Variants in SORCS1 observed in about 807,000 individuals in gnomAD.
SORCS1 encodes the protein sortilin related VPS10 domain containing receptor 1.
SORCS1 carries 60 observed loss-of-function variants against 146.1 expected under a neutral mutation model. That is an observed-to-expected ratio of 0.41 (90% CI 0.33 to 0.51). SORCS1 has a LOEUF of 0.51. Ranked by LOEUF, SORCS1 falls within the 20% of genes least tolerant of loss-of-function variation. SORCS1 has a pLI of 0.21. For synonymous variants in SORCS1, 637 were observed against 584.0 expected (o/e 1.09, Z -1.31); for missense variants, 1,352 against 1,487.6 (o/e 0.91, Z 1.50).
chr10:107,057,478 A>G (rs755853921), intron 1 of SORCS1, among the ~76,000 whole-genome samples: 1 of 152,108 alleles, frequency 6.6e-6, no homozygotes, highest in South Asian at 2.1e-4. Flanking sequence ...CCCAATTTCT[A>G]CCTCTGCAAA....
At chr10:106,697,568 G>A (rs1379183783) in intron 9 of SORCS1, among the ~76,000 whole-genome samples, 1 of 151,874 alleles carries the variant, frequency 6.6e-6, no homozygotes, top group South Asian at 2.1e-4. Flanking sequence ...TAAATGTTTT[G>A]GGCATTTACA....
At chr10:106,675,297 AG>A in intron 13 of SORCS1, 141 bp from the exon 14 acceptor site, 2 of 612,532 alleles carry the variant, frequency 3.3e-6, no homozygotes. Context: ...CATATGAATA[AG>A]TATTCTTAAT....
chr10:107,158,324 T>G (rs1280813585), intron 1 of SORCS1, among the ~76,000 whole-genome samples: 1 of 152,248 alleles, frequency 6.6e-6, no homozygotes, highest in African/African-American at 2.4e-5. Context: ...GTTAAAACTT[T>G]CGTTAAACAT....
At chr10:106,976,255 A>C (rs1047946923) in intron 1 of SORCS1, among the ~76,000 whole-genome samples, 10 of 151,258 alleles carry the variant, frequency 6.6e-5, no homozygotes, top group Non-Finnish European at 1.5e-4. Context: ...CATGTGCAGA[A>C]CATGCAGGTT....
chr10:107,005,879 A>G (rs1957422422), intron 1 of SORCS1, among the ~76,000 whole-genome samples: 1 of 152,242 alleles, frequency 6.6e-6, no homozygotes, highest in Non-Finnish European at 1.5e-5. Flanking sequence ...ATGAGAACCT[A>G]TAATTATTTG....
At chr10:106,871,934 T>C (rs1169048252) in intron 2 of SORCS1, among the ~76,000 whole-genome samples, 1 of 152,222 alleles carries the variant, frequency 6.6e-6, no homozygotes, top group Non-Finnish European at 1.5e-5. Context: ...TGTAGTGTGA[T>C]AGTTCATTTA....
rs113885042 is a variant in SORCS1, at chr10:106,585,326, G to C, written c.3266-5852C>G. On this transcript the variant is annotated intron_variant, in intron 24 of 25. Coordinates refer to ENST00000263054, the MANE Select transcript of SORCS1 (RefSeq NM_052918.5). ...TTATGTATAACAGTTTGAGAATACC[G>C]CATAGCAGGCCCCAGATATTCTCAC... Among the ~76,000 whole-genome samples the C allele has an allele frequency of 6.5e-3, 995 of 152,116 alleles. 9 individuals carry two copies. Among genetic ancestry groups the C allele is most frequent in the African/African-American group, 0.023 (943 of 41,492 alleles).
At chr10:106,993,109 C>T (rs1213098242) in intron 1 of SORCS1, among the ~76,000 whole-genome samples, 2 of 152,164 alleles carry the variant, frequency 1.3e-5, no homozygotes, top group Non-Finnish European at 2.9e-5. Flanking sequence ...GGATTACAGG[C>T]ATGAGCCACC....
At chr10:106,704,088 G>GA (rs1280888221) in intron 8 of SORCS1, among the ~76,000 whole-genome samples, 1 of 152,160 alleles carries the variant, frequency 6.6e-6, no homozygotes, top group African/African-American at 2.4e-5. Flanking sequence ...TGATCTGTGT[G>GA]ATGGCTATGA....
chr10:106,830,635 C>T (rs1001121386), intron 2 of SORCS1, among the ~76,000 whole-genome samples: 12 of 150,674 alleles, frequency 8.0e-5, no homozygotes, highest in African/African-American at 2.9e-4. Context: ...GTGGCTCACG[C>T]CTGTAATACC....
At chr10:107,022,706 G>A (rs1182387860) in intron 1 of SORCS1, among the ~76,000 whole-genome samples, 1 of 152,202 alleles carries the variant, frequency 6.6e-6, no homozygotes, top group Non-Finnish European at 1.5e-5. Context: ...CCTTCATTTT[G>A]CCTGTGGGTT....
intron 1 of SORCS1, among the ~76,000 whole-genome samples, chr10:106,994,792 A>T (rs893767010): frequency 6.6e-6 from 1 of 152,224 alleles, no homozygotes; most frequent in Non-Finnish European, 1.5e-5. Flanking sequence ...GGAGAAGATG[A>T]AGAGGCAATA....
At chr10:106,741,589 C>T (rs1857366662) in intron 5 of SORCS1, among the ~76,000 whole-genome samples, 1 of 151,848 alleles carries the variant, frequency 6.6e-6, no homozygotes, top group African/African-American at 2.4e-5. Flanking sequence ...CAGAGTGAGA[C>T]TCTTTGTCTC....
At chr10:106,916,349 A>AT (rs1365646399) in intron 2 of SORCS1, among the ~76,000 whole-genome samples, 6 of 151,016 alleles carry the variant, frequency 4.0e-5, no homozygotes, top group Non-Finnish European at 5.9e-5. Context: ...ATGGCAATAC[A>AT]TTTTTTTTCC....
At position 106,629,328 on chromosome 10, in the gene SORCS1, C is replaced by T. The variant is rs756255470; in HGVS notation, c.2536G>A (p.Val846Ile). The T allele has an allele frequency of 1.1e-5, 18 of 1,614,066 alleles. No individual in the cohort carries two copies. The South Asian group carries it at 1.3e-4, about 12-fold the overall frequency. The change falls in exon 19 of 26, where the codon GTC (valine) becomes ATC (isoleucine). Residue 846 changes from valine to isoleucine, a missense_variant. By Grantham distance (29) the Val-to-Ile change is conservative. Transcript: ENST00000263054. ...CCATCTTCCATGGAGCTGAGATTGA[C>T]GTAAGACACCGCGATACCATCGCCA... Reference protein sequence around the residue: ...DFGDGIAVSYVNLSSMEDGIK... With the variant: ...DFGDGIAVSYINLSSMEDGIK...
rs184225835 is a variant in SORCS1 at position 107,082,661 on chromosome 10, T to G, written c.558+81308A>C. Among the ~76,000 whole-genome samples, 8 of 152,196 alleles carry G rather than the reference T, an allele frequency of 5.3e-5. No homozygotes were observed. The East Asian group carries it at 1.5e-3, about 29-fold the overall frequency. ...TACAGCTGGCTAATTTTTGTATTTT[T>G]GGTAGATACCGGGTTTCACCATGTT... On this transcript the variant is annotated intron_variant, in intron 1 of 25. Transcript: ENST00000263054.
At chr10:106,697,465 A>AT (rs1362922725) in intron 9 of SORCS1, among the ~76,000 whole-genome samples, 1 of 151,654 alleles carries the variant, frequency 6.6e-6, no homozygotes, top group Non-Finnish European at 1.5e-5. Flanking sequence ...CAAAATAAAT[A>AT]AATAAATAAA....
At chr10:106,898,602 G>C (rs1951579881) in intron 2 of SORCS1, among the ~76,000 whole-genome samples, 1 of 152,166 alleles carries the variant, frequency 6.6e-6, no homozygotes, top group Non-Finnish European at 1.5e-5. Flanking sequence ...AGCTGTCAGG[G>C]TGCAAATCTA....
intron 19 of SORCS1, among the ~76,000 whole-genome samples, chr10:106,626,608 G>A (rs537954723): frequency 9.7e-4 from 147 of 152,304 alleles, no homozygotes; most frequent in African/African-American, 3.2e-3. Flanking sequence ...TGATGCCAGA[G>A]TCACAGTGCT....
Sources: allele counts gnomAD v4.1 joint callset (sites outside exome capture counted in the v4.1 genomes callset), GRCh38; gene constraint gnomAD v4.1.1; transcripts MANE v1.5; gene names NCBI Gene and HGNC (gene_info 2026-07-23, HGNC 2026-07-21).